ANKRD36: variants seen among roughly 807,000 people sequenced by gnomAD.
The protein encoded by ANKRD36 is ankyrin repeat domain 36, also known as ankyrin repeat domain-containing protein 36A.
Under a neutral mutation model 278.1 loss-of-function variants are expected in ANKRD36, and 179 were observed. The observed-to-expected ratio is 0.64, with a 90% CI of 0.57 to 0.73. The LOEUF (loss-of-function observed/expected upper bound fraction) is 0.73. Ranked by LOEUF, ANKRD36 falls within the 30% of genes least tolerant of loss-of-function variation. ANKRD36 has a pLI of 0.00. For synonymous variants in ANKRD36, 320 were observed against 641.1 expected, an observed-to-expected ratio of 0.50 and a Z score of 7.57; for missense variants, 1,159 against 1,956.7, an observed-to-expected ratio of 0.59 and a Z score of 7.69.
At chr2:97,216,031 G>A (rs1308180039) in intron 62 of ANKRD36, among the ~76,000 whole-genome samples, 15 of 151,736 alleles carry the variant, frequency 9.9e-5, no homozygotes, top group Admixed American at 7.9e-4. Context: ...GGAAAGCTGA[G>A]TGAACTCACT....
chr2:97,180,031 G>T (rs964952859), intron 24 of ANKRD36, 98 bp downstream of exon 24: 19 of 1,552,266 alleles, frequency 1.2e-5, no homozygotes, highest in Middle Eastern at 4.5e-4. Context: ...TAAGCTGCAC[G>T]TTCTGATTCA....
chr2:97,208,745 C>T (rs2063548637), intron 54 of ANKRD36, among the ~76,000 whole-genome samples: 1 of 146,514 alleles, frequency 6.8e-6, no homozygotes, highest in African/African-American at 2.7e-5. Flanking sequence ...AATAAATTTG[C>T]TTCCTTGTTC....
chr2:97,210,275 G>A lies in ANKRD36; in HGVS notation c.3367+403G>A, dbSNP rs1219970423. On this transcript the variant is annotated intron_variant, in intron 56 of 75. Transcript: ENST00000420699. ...CTTGTTGTAATAACCCGTGTACAGT[G>A]TAGGAGAACTAAGGAGACCCCTGGT... is the stretch of plus-strand genomic sequence containing the variant. 9.9e-5 allele frequency among the ~76,000 whole-genome samples: 15 copies of A among 151,842 alleles called. 1 individual carries two copies. In the East Asian group the frequency reaches 2.8e-3, roughly 28 times the overall value.
At chr2:97,181,865 C>T (rs1404086429) in intron 26 of ANKRD36, 72 bp downstream of exon 26, 1 of 1,010,578 alleles carries the variant, frequency 9.9e-7, no homozygotes, top group Non-Finnish European at 1.6e-6. Flanking sequence ...CCGAATAAAT[C>T]AGCAGGGGAT....
intron 48 of ANKRD36, among the ~76,000 whole-genome samples, chr2:97,203,295 T>C (rs529662215): frequency 6.6e-6 from 1 of 151,974 alleles, no homozygotes; most frequent in East Asian, 1.9e-4. Flanking sequence ...TGCAGTGATT[T>C]CTGAATGAAA....
chr2:97,157,767 T>C (rs1447375648), intron 15 of ANKRD36, among the ~76,000 whole-genome samples: 1 of 150,712 alleles, frequency 6.6e-6, no homozygotes, highest in Non-Finnish European at 1.5e-5. Flanking sequence ...TTAATTGACT[T>C]TTTATTATTA....
chr2:97,176,137 G>C (rs1197874634), intron 22 of ANKRD36, among the ~76,000 whole-genome samples: 3 of 151,808 alleles, frequency 2.0e-5, no homozygotes, highest in African/African-American at 7.3e-5. Flanking sequence ...ATGTCTATTA[G>C]GTCCACTTGG....
intron 48 of ANKRD36, 96 bp downstream of exon 48, chr2:97,202,489 C>G: frequency 4.0e-6 from 6 of 1,500,896 alleles, no homozygotes; most frequent in Non-Finnish European, 4.5e-6. Flanking sequence ...CGAAGCTGCA[C>G]TTTCTGATTC....
intron 50 of ANKRD36, among the ~76,000 whole-genome samples, chr2:97,205,727 G>A (rs770400401): frequency 3.3e-5 from 5 of 151,330 alleles, no homozygotes; most frequent in Admixed American, 1.3e-4. Flanking sequence ...ATCTTACCAC[G>A]TTTGAAATTG....
intron 42 of ANKRD36, among the ~76,000 whole-genome samples, 180 bp downstream of exon 42, chr2:97,196,968 C>T (rs559507761): frequency 2.3e-4 from 35 of 152,014 alleles, no homozygotes; most frequent in Admixed American, 1.0e-3. Flanking sequence ...ACATGATCTT[C>T]GCCGTAAGAT....
intron 4 of ANKRD36, 113 bp downstream of exon 4, chr2:97,123,106 T>C (rs1295802661): frequency 3.4e-6 from 3 of 880,914 alleles, no homozygotes; most frequent in African/African-American, 1.7e-5. Flanking sequence ...CTTGTAATTA[T>C]TGGGATATAG....
intron 46 of ANKRD36, among the ~76,000 whole-genome samples, chr2:97,200,968 C>T (rs1177705826): frequency 6.6e-6 from 1 of 151,858 alleles, no homozygotes; most frequent in Non-Finnish European, 1.5e-5. Context: ...CAATTATTTT[C>T]TGAATGAAGA....
At chr2:97,140,229 G>A (rs1484056061) in intron 6 of ANKRD36, among the ~76,000 whole-genome samples, 3 of 151,584 alleles carry the variant, frequency 2.0e-5, no homozygotes, top group Non-Finnish European at 4.4e-5. Flanking sequence ...TTACTGACAT[G>A]TTTTCAAGTC....
intron 46 of ANKRD36, among the ~76,000 whole-genome samples, chr2:97,201,582 G>A (rs1575781840): frequency 6.6e-6 from 1 of 152,024 alleles, no homozygotes; most frequent in South Asian, 2.1e-4. Flanking sequence ...CTAAACTAGT[G>A]GATACAAGAA....
At chr2:97,194,269 T>A (rs2059180577) in intron 38 of ANKRD36, among the ~76,000 whole-genome samples, 1 of 151,686 alleles carries the variant, frequency 6.6e-6, no homozygotes. Context: ...CGTAATTGTG[T>A]GCCTTCTCAT....
At position 97,194,259 on chromosome 2, in the gene ANKRD36, C is replaced by T. The variant is rs577120218; in HGVS notation, c.2450-467C>T. ...AGTGTACGTTCAACTGGAGGGTCATCGTAATTGTGTGCCTTCTCATTTATT... is the reference window on the plus strand; with the variant it reads ...AGTGTACGTTCAACTGGAGGGTCATTGTAATTGTGTGCCTTCTCATTTATT... On this transcript the variant is annotated intron_variant, in intron 38 of 75. Coordinates refer to ENST00000420699, the MANE Select transcript of ANKRD36 (RefSeq NM_001354587.1). Among the ~76,000 whole-genome samples, 10 of 151,674 alleles carry T rather than the reference C, an allele frequency of 6.6e-5. No homozygotes were observed. The Middle Eastern group carries it at 0.01, about 156-fold the overall frequency.
At chr2:97,224,444 G>GTTTTTTTTTTTTTT (rs1432191197) in intron 66 of ANKRD36, among the ~76,000 whole-genome samples, 1 of 143,716 alleles carries the variant, frequency 7.0e-6, no homozygotes, top group East Asian at 2.7e-4. Flanking sequence ...TTGTTTTTTT[G>GTTTTTTTTTTTTTT]TTTTTTTGTT....
At chr2:97,182,028 A>G (rs2056369951) in intron 26 of ANKRD36, among the ~76,000 whole-genome samples, 1 of 151,442 alleles carries the variant, frequency 6.6e-6, no homozygotes, top group Non-Finnish European at 1.5e-5. Flanking sequence ...GAGCCATTAA[A>G]GACATAAGGA....
intron 22 of ANKRD36, among the ~76,000 whole-genome samples, chr2:97,170,563 A>G (rs1006740850): frequency 6.6e-6 from 1 of 152,026 alleles, no homozygotes; most frequent in African/African-American, 2.4e-5. Context: ...TCAATTCAAG[A>G]TGGATTAAAG....
Sources: gnomAD v4.1 joint callset for allele counts (sites outside exome capture counted in the v4.1 genomes callset) on GRCh38, gnomAD v4.1.1 for gene constraint, MANE v1.5 for transcripts, NCBI Gene and HGNC (gene_info 2026-07-23, HGNC 2026-07-21) for gene names.